PTPRN2: variants seen among roughly 807,000 people sequenced by gnomAD.
PTPRN2 encodes the protein receptor-type tyrosine-protein phosphatase N2.
In PTPRN2, 74 loss-of-function variants were observed where a neutral mutation model predicts 118.8. The observed-to-expected ratio is 0.62, with a 90% CI of 0.52 to 0.76. The LOEUF is 0.76. Ranked by LOEUF, PTPRN2 falls within the 30% of genes least tolerant of loss-of-function variation. PTPRN2 has a pLI of 0.00. For synonymous variants in PTPRN2, 641 were observed against 608.0 expected (o/e 1.05, Z -0.80); for missense variants, 1,481 against 1,394.4 (o/e 1.06, Z -0.99).
At chr7:157,837,443 G>A (rs1449469985) in intron 12 of PTPRN2, among the ~76,000 whole-genome samples, 2 of 151,626 alleles carry the variant, frequency 1.3e-5, no homozygotes, top group African/African-American at 2.4e-5. Flanking sequence ...TGATGGAAGA[G>A]GTGGTGGAGG....
At chr7:158,273,227 C>A (rs567230481) in intron 3 of PTPRN2, among the ~76,000 whole-genome samples, 19 of 152,296 alleles carry the variant, frequency 1.2e-4, no homozygotes, top group African/African-American at 4.6e-4. Context: ...CTCTCCAGGG[C>A]CCTGCGTGTG....
chr7:158,311,730 G>A (rs1387487773), intron 3 of PTPRN2, among the ~76,000 whole-genome samples: 2 of 152,216 alleles, frequency 1.3e-5, no homozygotes, highest in Non-Finnish European at 2.9e-5. Flanking sequence ...CAGAAGCACA[G>A]GATCAACTCT....
rs186427841 is a variant in PTPRN2, at chr7:158,063,193, C to T, written c.1723+18105G>A. 3.2e-3 allele frequency among the ~76,000 whole-genome samples: 493 copies of T among 152,054 alleles called. 1 individual carries two copies. The highest frequency in any genetic ancestry group is 6.0e-3 in the Non-Finnish European group (408 of 68,002). The stretch of plus-strand genomic sequence containing the variant: ...ACAACATTTAGTGCTCTGTATTTAG[C>T]TAATCTGATGGGGACTTGGAGAACA... On this transcript the variant is annotated intron_variant, in intron 11 of 22. Transcript: ENST00000389418.
At chr7:158,074,963 C>T (rs1233930497) in intron 11 of PTPRN2, among the ~76,000 whole-genome samples, 1 of 152,198 alleles carries the variant, frequency 6.6e-6, no homozygotes, top group Non-Finnish European at 1.5e-5. Context: ...CCGAGTGTCC[C>T]CCACATGCGG....
chr7:158,414,621 C>G (rs763116728), intron 2 of PTPRN2, among the ~76,000 whole-genome samples: 13 of 152,344 alleles, frequency 8.5e-5, no homozygotes, highest in Non-Finnish European at 1.2e-4. Context: ...GGAGGCCGCC[C>G]CCGCTTCCAC....
intron 4 of PTPRN2, among the ~76,000 whole-genome samples, chr7:158,204,257 GC>G (rs1826940240): frequency 6.6e-6 from 1 of 151,902 alleles, no homozygotes; most frequent in African/African-American, 2.4e-5. Context: ...GAAAGACGCA[GC>G]CCCCGCCCTC....
intron 13 of PTPRN2, among the ~76,000 whole-genome samples, chr7:157,667,379 C>A (rs1252534983): frequency 1.3e-5 from 2 of 150,452 alleles, no homozygotes; most frequent in Admixed American, 6.6e-5. Flanking sequence ...GAGTACACAG[C>A]CTGACTTGCA....
intron 11 of PTPRN2, chr7:158,029,911 A>G (rs1441938145): frequency 6.6e-6 from 1 of 152,268 alleles, no homozygotes; most frequent in Non-Finnish European, 1.5e-5. Flanking sequence ...CCCACTCCCA[A>G]CTCAGCTGCA....
intron 12 of PTPRN2, among the ~76,000 whole-genome samples, chr7:157,849,121 C>T (rs184119411): frequency 1.6e-4 from 24 of 152,336 alleles, no homozygotes; most frequent in Admixed American, 5.9e-4. Context: ...CAGTTCCCAC[C>T]GGCCGGGCTG....
chr7:157,765,252 G>C (rs1243276220), intron 12 of PTPRN2, among the ~76,000 whole-genome samples: 1 of 115,608 alleles, frequency 8.6e-6, no homozygotes, highest in Non-Finnish European at 1.8e-5. Flanking sequence ...CCACCCACCT[G>C]TCATTCATCA....
chr7:157,683,055 G>T, intron 12 of PTPRN2, 118 bp from the exon 13 acceptor site: 2 of 884,472 alleles, frequency 2.3e-6, no homozygotes, highest in Non-Finnish European at 3.5e-6. Context: ...CGCTGTGCTG[G>T]CCCTGGAGCC....
Position 157,603,616 on chromosome 7 carries a change from G to C in PTPRN2, c.2418+386C>G, listed in dbSNP as rs1236900674. Among the ~76,000 whole-genome samples, 1 of 152,192 alleles carries C rather than the reference G, an allele frequency of 6.6e-6. No individual in the cohort carries two copies. Among genetic ancestry groups the C allele is most frequent in the East Asian group, 1.9e-4 (1 of 5,196 alleles). On this transcript the variant is annotated intron_variant, in intron 16 of 22. Coordinates refer to ENST00000389418, the MANE Select transcript of PTPRN2 (RefSeq NM_002847.5). This position sits in a 1 kb window ranked among gnomAD's most constrained non-coding sequence, Gnocchi z 5.4. ...TCCAAGCCACTGATTGTTACAAAAAGCGTAGACTGAGGCCTCATGTCCCCA... is the reference window on the plus strand; with the variant it reads ...TCCAAGCCACTGATTGTTACAAAAACCGTAGACTGAGGCCTCATGTCCCCA...
intron 1 of PTPRN2, among the ~76,000 whole-genome samples, chr7:158,567,568 A>G (rs1020211888): frequency 6.6e-6 from 1 of 152,246 alleles, no homozygotes; most frequent in Non-Finnish European, 1.5e-5. Context: ...GGACAACACA[A>G]GTAGGTCCCC....
rs191702410 is a variant in PTPRN2 at position 157,690,257 on chromosome 7, G to C, written c.1789-7320C>G. On this transcript the variant is annotated intron_variant, in intron 12 of 22. Coordinates refer to ENST00000389418, the MANE Select transcript of PTPRN2 (RefSeq NM_002847.5). The surrounding 1 kb of genome is among the most constrained non-coding windows in gnomAD (Gnocchi z 7.1). ...CACAGGCCCACCCTAGACCCACTTGGGGATGATCCCAGGCGCAGCTCTCCC... is the reference window on the plus strand; with the variant it reads ...CACAGGCCCACCCTAGACCCACTTGCGGATGATCCCAGGCGCAGCTCTCCC... 3.1e-3 allele frequency among the ~76,000 whole-genome samples: 475 copies of C among 152,294 alleles called. 5 individuals are homozygous for C. The highest frequency in any genetic ancestry group is 0.011 in the African/African-American group (454 of 41,576).
At chr7:157,769,458 C>T (rs1214838112) in intron 12 of PTPRN2, among the ~76,000 whole-genome samples, 1 of 152,052 alleles carries the variant, frequency 6.6e-6, no homozygotes, top group Non-Finnish European at 1.5e-5. Flanking sequence ...TGACTAAGCA[C>T]CTATGGAAAC....
At chr7:158,034,852 T>G (rs1807984732) in intron 11 of PTPRN2, among the ~76,000 whole-genome samples, 2 of 152,228 alleles carry the variant, frequency 1.3e-5, no homozygotes, top group South Asian at 4.1e-4. Flanking sequence ...AGGCTTCAGC[T>G]GCAAGAGAGT....
intron 12 of PTPRN2, among the ~76,000 whole-genome samples, chr7:157,896,963 A>G (rs1258979055): frequency 1.3e-5 from 2 of 150,122 alleles, no homozygotes; most frequent in Non-Finnish European, 3.0e-5. Context: ...CTCTCAGGGC[A>G]GAGCCTCCCT....
chr7:157,895,280 A>T (rs534981647), intron 12 of PTPRN2, among the ~76,000 whole-genome samples: 1 of 150,362 alleles, frequency 6.7e-6, no homozygotes, highest in East Asian at 2.0e-4. Context: ...AAGCCAGAGG[A>T]TCTGGACGAG....
At chr7:158,174,103 C>T (rs1388500076) in intron 5 of PTPRN2, among the ~76,000 whole-genome samples, 1 of 152,096 alleles carries the variant, frequency 6.6e-6, no homozygotes, top group Non-Finnish European at 1.5e-5. Context: ...TGATAAATGT[C>T]CATGAAATCT....
Sources: gnomAD v4.1 joint callset for allele counts (sites outside exome capture counted in the v4.1 genomes callset) on GRCh38, gnomAD v4.1.1 for gene constraint, Gnocchi (gnomAD v3.1) non-coding constraint, MANE v1.5 for transcripts, NCBI Gene and HGNC (gene_info 2026-07-23, HGNC 2026-07-21) for gene names.